CLEC7A: variants seen among roughly 807,000 people sequenced by gnomAD.
The protein encoded by CLEC7A is C-type lectin domain containing 7A.
CLEC7A carries 25 observed loss-of-function variants against 26.9 expected under a neutral mutation model. The ratio of observed to expected loss-of-function variants is 0.93; its 90% CI spans 0.68 to 1.30. The LOEUF is 1.30. CLEC7A is among the 50% of genes most tolerant of loss of function. The pLI is 0.00. For missense variants in CLEC7A, 275 were observed against 286.7 expected, an observed-to-expected ratio of 0.96 and a Z score of 0.29; for synonymous variants, 100 against 99.5, an observed-to-expected ratio of 1.01 and a Z score of -0.03.
At chr12:10,119,758 G>T (rs1948018525) in intron 5 of CLEC7A, among the ~76,000 whole-genome samples, 1 of 151,526 alleles carries the variant, frequency 6.6e-6, no homozygotes, top group Non-Finnish European at 1.5e-5. Context: ...ATTCTACAAA[G>T]ATTTTAAGAT....
In CLEC7A at chr12:10,129,921, C is replaced by T. The variant is rs1591967761; in HGVS notation, c.103+59G>A. 7 of 1,011,028 alleles carry T rather than the reference C, an allele frequency of 6.9e-6. No individual in the cohort carries two copies. The East Asian group carries it at 1.7e-4, about 25-fold the overall frequency. 62.6% of individuals were successfully genotyped at this position (1,011,028 alleles called of 1,614,324 possible). A position where few individuals can be genotyped will look rare whatever the true frequency, so the allele number is the denominator to read the frequency against. ...GTGTGAGCCACCATGCCTAGCCTCC[C>T]CTTATATCTTTTCAAACGGGAGAGC... On this transcript the variant is annotated intron_variant, in intron 1 of 5. Coordinates refer to ENST00000304084, the MANE Select transcript of CLEC7A (RefSeq NM_197947.3).
At position 10,118,423 on chromosome 12, in the gene CLEC7A, C is replaced by A. The variant is rs770612544; in HGVS notation, c.*35G>T. 1.9e-6 allele frequency: 3 copies of A among 1,578,712 alleles called. No individual in the cohort carries two copies. The highest frequency in any genetic ancestry group is 2.7e-5 in the African/African-American group (2 of 73,872). ...TTCTGTTTTCTGTCCTCCTTACTAC[C>A]TCACATATTTCTCTCTCCTTCTCCA... On this transcript the variant is annotated 3_prime_UTR_variant, in exon 6 of 6. Transcript: ENST00000304084.
intron 5 of CLEC7A, among the ~76,000 whole-genome samples, chr12:10,120,659 A>G (rs563546568): frequency 6.6e-6 from 1 of 150,848 alleles, no homozygotes; most frequent in East Asian, 2.0e-4. Flanking sequence ...AACTCCAGAG[A>G]TCAAGTGATC....
rs570275716 is a variant in CLEC7A, at chr12:10,127,190, TA to T, written c.203-483del. On this transcript the variant is annotated intron_variant, in intron 2 of 5. Coordinates refer to ENST00000304084, the MANE Select transcript of CLEC7A (RefSeq NM_197947.3). Reference sequence around the variant, plus strand: ...AACAGATTGCATGTGATATAAAATGTAAAAAAAATATTAATCCATTACAAAA... The same window carrying T: ...AACAGATTGCATGTGATATAAAATGTAAAAAAATATTAATCCATTACAAAA... The T allele has an allele frequency of 1.1e-3, 1,185 of 1,098,626 alleles. 5 individuals carry two copies. The African/African-American group carries it at 0.014, about 13-fold the overall frequency. 68.1% of individuals were successfully genotyped at this position (1,098,626 alleles called of 1,614,324 possible).
At chr12:10,127,136 G>T in intron 2 of CLEC7A, 1 of 1,142,548 alleles carries the variant, frequency 8.8e-7, no homozygotes, top group Non-Finnish European at 1.2e-6. Context: ...ATTAAGGAAT[G>T]TCATGAAGAC....
At chr12:10,120,987 C>A (rs953741296) in intron 5 of CLEC7A, among the ~76,000 whole-genome samples, 1 of 150,950 alleles carries the variant, frequency 6.6e-6, no homozygotes, top group African/African-American at 2.4e-5. Context: ...ACCCAGGAGG[C>A]AGAGGTTGCA....
At chr12:10,120,766 T>C (rs1948059831) in intron 5 of CLEC7A, among the ~76,000 whole-genome samples, 1 of 150,364 alleles carries the variant, frequency 6.7e-6, no homozygotes, top group Admixed American at 6.6e-5. Context: ...TCTTTTTTTT[T>C]TTTTTTAATA....
At chr12:10,119,845 AAAAAC>A (rs1397524409) in intron 5 of CLEC7A, among the ~76,000 whole-genome samples, 2 of 150,644 alleles carry the variant, frequency 1.3e-5, no homozygotes, top group Admixed American at 6.6e-5. Context: ...TAGTAAAAAA[AAAAAC>A]AAACAGAAAC....
chr12:10,128,657 G>A (rs995556045), intron 1 of CLEC7A, among the ~76,000 whole-genome samples: 3 of 152,038 alleles, frequency 2.0e-5, no homozygotes, highest in African/African-American at 4.8e-5. Context: ...GGAATTAAAC[G>A]AGCTAACACA....
rs750109130 is a variant in CLEC7A, at chr12:10,126,690, G to A, written c.221C>T (p.Ser74Leu). 1 of 1,610,480 alleles carries A rather than the reference G, an allele frequency of 6.2e-7. No homozygotes were observed. Among genetic ancestry groups the A allele is most frequent in the African/African-American group, 1.3e-5 (1 of 74,654 alleles). Residue 74 changes from serine (S) to leucine (L), a missense_variant, in exon 3 of 6, where the codon TCA becomes TTA. Ser to Leu is a moderately radical substitution (Grantham distance 145). Coordinates refer to ENST00000304084, the MANE Select transcript of CLEC7A (RefSeq NM_197947.3). ...LGTMAIWRSN[S>L]GSNTLENGYF... ...GCCATTCTCCAATGTGTTGCTTCCTGAATTGGATCTCCAAATAGCTTCACA... is the reference window on the plus strand; with the variant it reads ...GCCATTCTCCAATGTGTTGCTTCCTAAATTGGATCTCCAAATAGCTTCACA...
At chr12:10,123,575 C>T (rs1948171015) in intron 4 of CLEC7A, among the ~76,000 whole-genome samples, 1 of 149,880 alleles carries the variant, frequency 6.7e-6, no homozygotes, top group African/African-American at 2.5e-5. Context: ...TCCTGGCTAA[C>T]AAGGTGAAAC....
At chr12:10,121,716 G>T (rs1436064888) in intron 5 of CLEC7A, among the ~76,000 whole-genome samples, 1 of 152,232 alleles carries the variant, frequency 6.6e-6, no homozygotes, top group Non-Finnish European at 1.5e-5. Flanking sequence ...TGAGATAAAG[G>T]AAGGCTTAAA....
Position 10,123,347 on chromosome 12 carries a change from T to C in CLEC7A, c.509A>G (p.Gln170Arg). 1 of 1,593,816 alleles carries C rather than the reference T, an allele frequency of 6.3e-7. No individual in the cohort carries two copies. The highest frequency in any genetic ancestry group is 8.6e-7 in the Non-Finnish European group (1 of 1,161,518). The stretch of plus-strand genomic sequence containing the variant: ...TGAATTATCAGGTTGGGAAGACACT[T>C]GTTTTACTATAAATCCCTGTAATGA... ...SSNELGFIVK[Q>R]VSSQPDNSFW... is the part of the protein sequence containing the mutation. The change falls in exon 5 of 6, where the codon CAA becomes CGA. Residue 170 changes from glutamine (Q) to arginine (R), a missense_variant. Transcript: ENST00000304084.
intron 5 of CLEC7A, among the ~76,000 whole-genome samples, chr12:10,118,996 T>C (rs1326803026): frequency 2.0e-5 from 3 of 152,162 alleles, no homozygotes; most frequent in Non-Finnish European, 2.9e-5. Flanking sequence ...GAAGCATTAA[T>C]GCTAAAACAG....
intron 1 of CLEC7A, among the ~76,000 whole-genome samples, chr12:10,128,075 GA>G (rs34193393): frequency 6.7e-6 from 1 of 149,406 alleles, no homozygotes; most frequent in African/African-American, 2.5e-5. Context: ...AACAAAGAAA[GA>G]AAAAAAATTT....
chr12:10,120,707 C>T (rs773112276), intron 5 of CLEC7A, among the ~76,000 whole-genome samples: 1 of 150,374 alleles, frequency 6.7e-6, no homozygotes. Context: ...GGATTATAGG[C>T]GTGAGTCCCC....
chr12:10,120,642 G>T (rs1487625313), intron 5 of CLEC7A, among the ~76,000 whole-genome samples: 5 of 149,764 alleles, frequency 3.3e-5, no homozygotes, highest in Non-Finnish European at 7.4e-5. Context: ...TGGCCAGGCT[G>T]GTATCGAACT....
At chr12:10,127,982 A>G in intron 1 of CLEC7A, 137 bp from the exon 2 acceptor site, 1 of 628,566 alleles carries the variant, frequency 1.6e-6, no homozygotes, top group South Asian at 2.0e-5. Context: ...AGACTGAGGT[A>G]GGAGGATTGC....
chr12:10,127,919 T>C, intron 1 of CLEC7A, 74 bp from the exon 2 acceptor site: 1 of 1,076,606 alleles, frequency 9.3e-7, no homozygotes, highest in Non-Finnish European at 1.3e-6. Context: ...AATTCTACAG[T>C]TCATCAAAAA....
Sources: allele counts gnomAD v4.1 joint callset (sites outside exome capture counted in the v4.1 genomes callset), GRCh38; gene constraint gnomAD v4.1.1; transcripts MANE v1.5; gene names NCBI Gene and HGNC (gene_info 2026-07-23, HGNC 2026-07-21).